The following MYH11 variants were observed in gnomAD, a reference collection of about 807,000 sequenced individuals.
MYH11 encodes myosin heavy chain 11.
A neutral mutation model predicts 246.6 loss-of-function variants in MYH11; 80 were observed. That is an observed-to-expected ratio of 0.32 (90% CI 0.27 to 0.39). MYH11 has a LOEUF of 0.39. Ranked by LOEUF, MYH11 falls within the 10% of genes least tolerant of loss-of-function variation. The pLI is 1.00. For synonymous variants in MYH11, 1,071 were observed against 1,015.5 expected (o/e 1.05, Z -1.04); for missense variants, 2,158 against 2,546.8 (o/e 0.85, Z 3.29).
Position 15,715,396 on chromosome 16 carries a change from TC to T in MYH11, c.5505-125del. The T allele has an allele frequency of 3.1e-5, 26 of 826,640 alleles. No homozygotes were observed. The South Asian group carries it at 3.6e-4, about 11-fold the overall frequency. 51.2% of individuals were successfully genotyped at this position (826,640 alleles called of 1,614,324 possible). A position where few individuals can be genotyped will look rare whatever the true frequency, so the allele number is the denominator to read the frequency against. ...CCCGTATCTGGACTCCTCTCAAGAA[TC>T]AGTCAGATGGTGGAATAGTATTCAG... On this transcript the variant is annotated intron_variant, in intron 38 of 40. Coordinates refer to ENST00000300036, the MANE Select transcript of MYH11 (RefSeq NM_002474.3).
chr16:15,783,537 G>A (rs1425619219), intron 5 of MYH11: 1 of 152,232 alleles, frequency 6.6e-6, no homozygotes, highest in African/African-American at 2.4e-5. Context: ...AGAGAAAGAT[G>A]AAGCAAAAGC....
chr16:15,715,076 C>G lies in MYH11; in HGVS notation c.5619G>C (p.Glu1873Asp), dbSNP rs762821036. 2.5e-6 allele frequency: 4 copies of G among 1,613,016 alleles called. No homozygotes were observed. In the Admixed American group the frequency reaches 6.7e-5, roughly 27 times the overall value. The change falls in exon 40 of 41, where the codon GAG (glutamate) becomes GAC (aspartate). Residue 1873 changes from glutamate to aspartate, a missense_variant. Coordinates refer to ENST00000300036, the MANE Select transcript of MYH11 (RefSeq NM_002474.3). ...GCTGCTTGACCCTGGCATTGCCTTT[C>G]TCTGCCTGTCGCGGAGAGTTGGAGG... ...KMAEQYKEQA[E>D]KGNARVKQLK... is the part of the protein sequence containing the mutation.
chr16:15,747,521 T>G (rs1013121753), intron 19 of MYH11, 49 bp downstream of exon 19: 4 of 1,611,830 alleles, frequency 2.5e-6, no homozygotes, highest in African/African-American at 1.3e-5. Context: ...GAAAGGCCCC[T>G]GTTTGTGATT....
At chr16:15,802,672 C>T (rs2042914896) in intron 3 of MYH11, among the ~76,000 whole-genome samples, 1 of 152,206 alleles carries the variant, frequency 6.6e-6, no homozygotes, top group Non-Finnish European at 1.5e-5. Flanking sequence ...TGGTTTCACA[C>T]TCTTGGGCTC....
Position 15,759,656 on chromosome 16 carries a change from T to C in MYH11, c.1321A>G (p.Asn441Asp). 6.2e-7 allele frequency: 1 copy of C among 1,614,228 alleles called. No homozygotes were observed. The highest frequency in any genetic ancestry group is 8.5e-7 in the Non-Finnish European group (1 of 1,180,038). Residue 441 changes from asparagine to aspartate, a missense_variant, in exon 12 of 41, where the codon AAC becomes GAC. Around this residue, in one of 11 missense-constraint regions of MYH11, gnomAD observed 317 missense variants for 507.7 expected, o/e 0.62. Transcript: ENST00000300036. ...RLFRWILTRV[N>D]KALDKTHRQG... ...CGATGGGTCTTGTCCAGGGCTTTGT[T>C]CACGCGGGTGAGTATCCAGCGGAAA... is the stretch of plus-strand genomic sequence containing the variant.
chr16:15,722,214 G>T (rs1309811757), intron 31 of MYH11, among the ~76,000 whole-genome samples: 1 of 152,116 alleles, frequency 6.6e-6, no homozygotes, highest in Non-Finnish European at 1.5e-5. Flanking sequence ...AGCACACTGA[G>T]GTCAAAGTGA....
intron 4 of MYH11, among the ~76,000 whole-genome samples, chr16:15,794,530 T>C (rs1351312960): frequency 6.6e-6 from 1 of 152,252 alleles, no homozygotes; most frequent in African/African-American, 2.4e-5. Flanking sequence ...GTGTGGGCAG[T>C]GTGCCAAGTC....
chr16:15,724,846 G>A (rs1194406982), intron 29 of MYH11, 42 bp downstream of exon 29: 1 of 1,613,686 alleles, frequency 6.2e-7, no homozygotes, highest in South Asian at 1.1e-5. Context: ...CCCGAGGAAG[G>A]CCACCCCCCA....
intron 28 of MYH11, chr16:15,726,557 G>C (rs2040769456): frequency 4.0e-6 from 2 of 497,600 alleles, no homozygotes; most frequent in Admixed American, 6.5e-5. Flanking sequence ...TTTTAGTAGA[G>C]ACTTTTCACC....
intron 5 of MYH11, 80 bp downstream of exon 5, chr16:15,786,550 T>G: frequency 1.5e-6 from 2 of 1,300,474 alleles, no homozygotes; most frequent in Non-Finnish European, 2.2e-6. Context: ...TGCAATGATG[T>G]TCTGTTTGTA....
intron 3 of MYH11, among the ~76,000 whole-genome samples, chr16:15,809,961 T>A (rs1302084747): frequency 1.3e-5 from 2 of 152,140 alleles, no homozygotes; most frequent in African/African-American, 4.8e-5. Flanking sequence ...TTGCCAAGTG[T>A]CAGCTGGGGC....
intron 9 of MYH11, 81 bp from the exon 10 acceptor site, chr16:15,763,972 G>A: frequency 9.5e-7 from 1 of 1,056,434 alleles, no homozygotes; most frequent in Non-Finnish European, 1.5e-6. Flanking sequence ...AAAGCCACTG[G>A]GGACCCAGAG....
intron 28 of MYH11, chr16:15,726,486 T>C (rs1218381828): frequency 5.6e-6 from 2 of 358,290 alleles, no homozygotes; most frequent in Admixed American, 7.9e-5. Context: ...TTCTCCTGCC[T>C]CAGCCTCCCG....
chr16:15,773,181 C>G (rs1232480848), intron 8 of MYH11, among the ~76,000 whole-genome samples: 1 of 151,856 alleles, frequency 6.6e-6, no homozygotes, highest in Non-Finnish European at 1.5e-5. Context: ...AGCACAATCG[C>G]TGTAATAGGC....
intron 14 of MYH11, among the ~76,000 whole-genome samples, chr16:15,755,171 G>A (rs2041677746): frequency 6.6e-6 from 1 of 152,180 alleles, no homozygotes; most frequent in East Asian, 1.9e-4. Context: ...ATGATGCAGT[G>A]GAGGTACTGA....
rs766417351 is a variant in MYH11 at position 15,714,903 on chromosome 16, C to T, written c.5786+6G>A. ...ACGGGGTCCTCCCGGGCCACGGGCTCCTCACCTGAGCTTGCTCTTGAGTGC... is the reference window on the plus strand; with the variant it reads ...ACGGGGTCCTCCCGGGCCACGGGCTTCTCACCTGAGCTTGCTCTTGAGTGC... On this transcript the variant is annotated splice_donor_region_variant and intron_variant, in intron 40 of 40. Coordinates refer to ENST00000300036, the MANE Select transcript of MYH11 (RefSeq NM_002474.3). The T allele has an allele frequency of 9.9e-6, 16 of 1,613,582 alleles. No homozygotes were observed. Among genetic ancestry groups the T allele is most frequent in the Non-Finnish European group, 1.3e-5 (15 of 1,180,010 alleles).
intron 3 of MYH11, among the ~76,000 whole-genome samples, chr16:15,816,175 G>A (rs976496116): frequency 2.0e-5 from 3 of 152,110 alleles, no homozygotes; most frequent in African/African-American, 7.2e-5. Flanking sequence ...GGGAAACAAG[G>A]AATCCACTAT....
intron 1 of MYH11, among the ~76,000 whole-genome samples, chr16:15,851,881 T>G (rs1200088431): frequency 6.6e-6 from 1 of 152,118 alleles, no homozygotes; most frequent in African/African-American, 2.4e-5. Flanking sequence ...CAAGAACTGA[T>G]TATTTCTGGC....
chr16:15,796,170 A>C (rs976966662), intron 4 of MYH11, among the ~76,000 whole-genome samples: 5 of 152,218 alleles, frequency 3.3e-5, no homozygotes, highest in African/African-American at 1.2e-4. Flanking sequence ...CGTCCAAGGC[A>C]GGAACCGCTA....
Sources: allele counts gnomAD v4.1 joint callset (sites outside exome capture counted in the v4.1 genomes callset), GRCh38; gene constraint gnomAD v4.1.1; regional missense constraint gnomAD v4.1.1; transcripts MANE v1.5; gene names NCBI Gene and HGNC (gene_info 2026-07-23, HGNC 2026-07-21).